The following ATRNL1 variants were observed in gnomAD, a reference collection of about 807,000 sequenced individuals.
ATRNL1 encodes the protein attractin like 1, also known as attractin-like protein 1.
In ATRNL1, 95 loss-of-function variants were observed where a neutral mutation model predicts 182.7. The ratio of observed to expected loss-of-function variants is 0.52; its 90% CI spans 0.44 to 0.62. The LOEUF (loss-of-function observed/expected upper bound fraction) is 0.62, where lower values mean the gene tolerates loss of function less well. Ranked by LOEUF, ATRNL1 falls within the 20% of genes least tolerant of loss-of-function variation. The pLI, the probability that ATRNL1 is intolerant of heterozygous loss-of-function variation, is 0.00. For synonymous variants in ATRNL1, 576 were observed against 568.3 expected (o/e 1.01, Z -0.19); for missense variants, 1,471 against 1,679.5 (o/e 0.88, Z 2.17).
intron 26 of ATRNL1, among the ~76,000 whole-genome samples, chr10:115,572,413 A>G (rs1453162972): frequency 6.6e-6 from 1 of 152,120 alleles, no homozygotes; most frequent in Non-Finnish European, 1.5e-5. Flanking sequence ...CACTGCTGAT[A>G]GATTGGATGC....
At chr10:115,335,725 AATC>A (rs753085411) in intron 19 of ATRNL1, among the ~76,000 whole-genome samples, 53 of 152,204 alleles carry the variant, frequency 3.5e-4, no homozygotes, top group Non-Finnish European at 6.6e-4. Context: ...GTGTACTTCA[AATC>A]ATCTTTAGTT....
chr10:115,504,960 A>C (rs187218586), intron 24 of ATRNL1, among the ~76,000 whole-genome samples: 101 of 152,194 alleles, frequency 6.6e-4, no homozygotes, highest in South Asian at 1.4e-3. Flanking sequence ...GATTCTTAAT[A>C]ACATGTTTTA....
chr10:115,585,244 T>G, intron 26 of ATRNL1, among the ~76,000 whole-genome samples: 1 of 84,108 alleles, frequency 1.2e-5, no homozygotes, highest in Non-Finnish European at 3.1e-5. Flanking sequence ...GGGTGGAGAG[T>G]TCTGTAGATG....
At chr10:115,147,361 A>T (rs1329178277) in intron 5 of ATRNL1, among the ~76,000 whole-genome samples, 10 of 151,892 alleles carry the variant, frequency 6.6e-5, no homozygotes, top group African/African-American at 2.4e-4. Context: ...TATATCCTGG[A>T]TTTTAGGTCC....
At chr10:115,845,170 C>A (rs1167029067) in intron 27 of ATRNL1, among the ~76,000 whole-genome samples, 1 of 151,952 alleles carries the variant, frequency 6.6e-6, no homozygotes, top group Admixed American at 6.6e-5. Flanking sequence ...TTGCTAATAT[C>A]CTTTTATGAA....
At chr10:115,186,802 T>A (rs1385002606) in intron 8 of ATRNL1, among the ~76,000 whole-genome samples, 2 of 152,092 alleles carry the variant, frequency 1.3e-5, no homozygotes, top group African/African-American at 4.8e-5. Context: ...TGAACAACAG[T>A]TTATTTTACA....
At position 115,294,382 on chromosome 10, in the gene ATRNL1, CTG is replaced by C. The variant is rs1554921940; in HGVS notation, c.2416-5650_2416-5649del. ...TAGTCAAGTCTGTGGTTGAAGCTCT[CTG>C]TTGCATTTTTAAAGTTTTATTCATT... is the stretch of plus-strand genomic sequence containing the variant. On this transcript the variant is annotated intron_variant, in intron 15 of 28. Transcript: ENST00000355044. Among the ~76,000 whole-genome samples the C allele has an allele frequency of 2.6e-5, 4 of 152,272 alleles. No individual in the cohort carries two copies. The South Asian group carries it at 6.2e-4, about 24-fold the overall frequency.
chr10:115,540,016 T>C (rs200406208), intron 25 of ATRNL1, among the ~76,000 whole-genome samples: 1 of 150,814 alleles, frequency 6.6e-6, no homozygotes, highest in African/African-American at 2.4e-5. Context: ...CATTAGGAGA[T>C]ATGCCTAATG....
rs1332915456 is a variant in ATRNL1, at chr10:115,093,997, C to G, written c.247C>G (p.Pro83Ala). Residue 83 changes from proline to alanine, a missense_variant, in exon 1 of 29, where the codon CCG becomes GCG. This residue lies in a region of ATRNL1 where 1,031 missense variants were observed against 1,156.0 expected (regional missense o/e 0.89). Coordinates refer to ENST00000355044, the MANE Select transcript of ATRNL1 (RefSeq NM_207303.4). The surrounding 1 kb of genome is among the most constrained non-coding windows in gnomAD (Gnocchi z 6.1). ...RCVNSTCLCDPGWVGDQCQHC... is the reference protein window; with the variant it reads ...RCVNSTCLCDAGWVGDQCQHC... ...TGTCAACTCCACCTGCCTCTGCGAC[C>G]CGGGCTGGGTGGGGGACCAGTGCCA... is the stretch of plus-strand genomic sequence containing the variant. 1.9e-6 allele frequency: 3 copies of G among 1,581,442 alleles called. No individual in the cohort carries two copies. Among genetic ancestry groups the G allele is most frequent in the South Asian group, 1.2e-5 (1 of 86,614 alleles).
At chr10:115,386,242 C>T (rs532568155) in intron 19 of ATRNL1, among the ~76,000 whole-genome samples, 3 of 152,154 alleles carry the variant, frequency 2.0e-5, no homozygotes, top group Admixed American at 6.5e-5. Context: ...ATATGGTTGT[C>T]GGTGTATAGA....
chr10:115,472,823 A>G (rs1461513799), intron 24 of ATRNL1, among the ~76,000 whole-genome samples: 1 of 151,008 alleles, frequency 6.6e-6, no homozygotes, highest in African/African-American at 2.4e-5. Flanking sequence ...TCCAATTTGG[A>G]TGCCTTTTAC....
intron 24 of ATRNL1, among the ~76,000 whole-genome samples, chr10:115,499,259 C>T (rs1156342739): frequency 6.6e-6 from 1 of 152,032 alleles, no homozygotes; most frequent in African/African-American, 2.4e-5. Flanking sequence ...AAGAAACTAA[C>T]TGAAGAGATT....
In ATRNL1 at chr10:115,648,747, G is replaced by A. The variant is rs184957752; in HGVS notation, c.3796-78501G>A. On this transcript the variant is annotated intron_variant, in intron 26 of 28. Transcript: ENST00000355044. The stretch of plus-strand genomic sequence containing the variant: ...CATCTGTGCACAAACTCTATTTAAG[G>A]TAGTTTATTACTTTTGGTATTGTTT... 1.7e-3 allele frequency among the ~76,000 whole-genome samples: 256 copies of A among 152,250 alleles called. 1 individual carries two copies. Among genetic ancestry groups the A allele is most frequent in the African/African-American group, 5.9e-3 (244 of 41,550 alleles).
intron 26 of ATRNL1, among the ~76,000 whole-genome samples, chr10:115,692,802 C>A (rs1316501399): frequency 6.6e-6 from 1 of 151,830 alleles, no homozygotes; most frequent in East Asian, 1.9e-4. Flanking sequence ...TTGTAGAAGA[C>A]ATTAATGTTT....
intron 26 of ATRNL1, among the ~76,000 whole-genome samples, chr10:115,573,980 A>G (rs961180996): frequency 2.6e-5 from 4 of 152,152 alleles, no homozygotes; most frequent in African/African-American, 7.2e-5. Flanking sequence ...TTGTAGGAGA[A>G]CCTGTGACAG....
chr10:115,401,634 A>T (rs1844567712), intron 20 of ATRNL1, among the ~76,000 whole-genome samples: 1 of 152,180 alleles, frequency 6.6e-6, no homozygotes, highest in Non-Finnish European at 1.5e-5. Context: ...TTCTTTCTTG[A>T]AATCCTACCA....
intron 27 of ATRNL1, among the ~76,000 whole-genome samples, chr10:115,790,796 A>G (rs988795378): frequency 1.8e-4 from 27 of 152,146 alleles, no homozygotes; most frequent in African/African-American, 6.0e-4. Flanking sequence ...CTTAAAGTAG[A>G]AAGAATTAAA....
chr10:115,590,765 A>T (rs1284416712), intron 26 of ATRNL1, among the ~76,000 whole-genome samples: 1 of 152,206 alleles, frequency 6.6e-6, no homozygotes, highest in Non-Finnish European at 1.5e-5. Flanking sequence ...GAACAAGATA[A>T]TCATAATAAA....
At chr10:115,868,261 A>T (rs532324215) in intron 28 of ATRNL1, among the ~76,000 whole-genome samples, 1 of 152,274 alleles carries the variant, frequency 6.6e-6, no homozygotes, top group East Asian at 1.9e-4. Flanking sequence ...AAAATTTCTT[A>T]CATTACCATC....
Sources: allele counts gnomAD v4.1 joint callset (sites outside exome capture counted in the v4.1 genomes callset), GRCh38; gene constraint gnomAD v4.1.1; regional missense constraint gnomAD v4.1.1; non-coding constraint Gnocchi (gnomAD v3.1); transcripts MANE v1.5; gene names NCBI Gene and HGNC (gene_info 2026-07-23, HGNC 2026-07-21).